Variants in EPHA7 observed in about 807,000 individuals in gnomAD.
EPHA7 encodes ephrin type-A receptor 7.
EPHA7 carries 25 observed loss-of-function variants against 112.6 expected under a neutral mutation model. That is an observed-to-expected ratio of 0.22 (90% CI 0.16 to 0.31). EPHA7 has a LOEUF of 0.31. Ranked by LOEUF, EPHA7 falls within the 10% of genes least tolerant of loss-of-function variation. The probability of loss-of-function intolerance (pLI) is 1.00; values close to 1 mark genes in which losing one functional copy is unlikely to be tolerated. For missense variants in EPHA7, 962 were observed against 1,212.6 expected (o/e 0.79, Z 3.07); for synonymous variants, 437 against 406.5 (o/e 1.07, Z -0.90).
At chr6:93,395,575 TCACACACA>T (rs4053540) in intron 3 of EPHA7, among the ~76,000 whole-genome samples, 66 of 145,438 alleles carry the variant, frequency 4.5e-4, no homozygotes, top group African/African-American at 5.8e-4. Context: ...TTTACTTATT[TCACACACA>T]CACACACACA....
At chr6:93,280,353 A>G (rs577015364) in intron 5 of EPHA7, among the ~76,000 whole-genome samples, 1 of 152,318 alleles carries the variant, frequency 6.6e-6, no homozygotes, top group Admixed American at 6.5e-5. Flanking sequence ...TGCAAGTGAT[A>G]ACTTTATATC....
In EPHA7 at chr6:93,267,192, C is replaced by T. The variant is rs558049714; in HGVS notation, c.1633+2285G>A. On this transcript the variant is annotated intron_variant, in intron 7 of 16. Coordinates refer to ENST00000369303, the MANE Select transcript of EPHA7 (RefSeq NM_004440.4). ...ATAAAACATTTTTTGATATCCCCAA[C>T]ATTTTTTAATAGTAAAAGGGCTCCT... is the stretch of plus-strand genomic sequence containing the variant. Among the ~76,000 whole-genome samples the T allele has an allele frequency of 4.0e-5, 6 of 151,768 alleles. No individual in the cohort carries two copies. The East Asian group carries it at 5.8e-4, about 15-fold the overall frequency.
intron 3 of EPHA7, among the ~76,000 whole-genome samples, chr6:93,381,713 A>AT (rs1003301628): frequency 3.2e-4 from 43 of 135,156 alleles, no homozygotes; most frequent in Non-Finnish European, 5.9e-4. Context: ...TGTGACAAAG[A>AT]TTTTTTTCTT....
intron 5 of EPHA7, among the ~76,000 whole-genome samples, chr6:93,311,108 C>G (rs960694202): frequency 1.0e-5 from 1 of 98,336 alleles, no homozygotes; most frequent in African/African-American, 4.3e-5. Flanking sequence ...TGCATCATGC[C>G]CAGCTATTTT....
intron 14 of EPHA7, among the ~76,000 whole-genome samples, chr6:93,249,110 G>C (rs768393280): frequency 1.9e-4 from 29 of 152,156 alleles, no homozygotes; most frequent in Middle Eastern, 3.4e-3. Flanking sequence ...AAATGCAATG[G>C]AGGTCATATG....
intron 8 of EPHA7, 151 bp from the exon 9 acceptor site, chr6:93,264,066 G>T: frequency 2.1e-6 from 1 of 468,850 alleles, no homozygotes; most frequent in East Asian, 3.4e-5. Flanking sequence ...AGCGATTCAC[G>T]ATTAAAATTG....
chr6:93,265,563 A>G (rs929423190), intron 7 of EPHA7, among the ~76,000 whole-genome samples: 1 of 151,704 alleles, frequency 6.6e-6, no homozygotes, highest in Admixed American at 6.6e-5. Flanking sequence ...TTATATGATG[A>G]TTCACAATTG....
At chr6:93,280,594 A>C (rs1291082061) in intron 5 of EPHA7, among the ~76,000 whole-genome samples, 1 of 152,166 alleles carries the variant, frequency 6.6e-6, no homozygotes, top group East Asian at 1.9e-4. Flanking sequence ...TTAGAGAAGC[A>C]GTAGAGTATA....
At chr6:93,256,572 T>C (rs1770448436) in intron 12 of EPHA7, among the ~76,000 whole-genome samples, 1 of 152,152 alleles carries the variant, frequency 6.6e-6, no homozygotes, top group Admixed American at 6.6e-5. Flanking sequence ...TTGCTACTGA[T>C]AGGAGCATTA....
chr6:93,260,975 T>G (rs1360994973), intron 9 of EPHA7, among the ~76,000 whole-genome samples: 1 of 151,704 alleles, frequency 6.6e-6, no homozygotes, highest in African/African-American at 2.4e-5. Flanking sequence ...TCTTTCATTT[T>G]TTTAAAATTT....
At chr6:93,380,276 G>A (rs1329816016) in intron 3 of EPHA7, among the ~76,000 whole-genome samples, 4 of 151,952 alleles carry the variant, frequency 2.6e-5, no homozygotes, top group East Asian at 1.9e-4. Flanking sequence ...AGGGGGAAAC[G>A]AAAATATAGT....
At chr6:93,312,475 C>T (rs995870791) in intron 5 of EPHA7, among the ~76,000 whole-genome samples, 1 of 152,070 alleles carries the variant, frequency 6.6e-6, no homozygotes, top group Non-Finnish European at 1.5e-5. Flanking sequence ...CCTCATCTCT[C>T]TTAGCCCTCA....
At chr6:93,416,301 C>G (rs1779221994) in intron 1 of EPHA7, among the ~76,000 whole-genome samples, 1 of 152,214 alleles carries the variant, frequency 6.6e-6, no homozygotes, top group Non-Finnish European at 1.5e-5. Flanking sequence ...GTCAGGTACT[C>G]TACTCTTTTT....
At chr6:93,341,869 A>G (rs1775155136) in intron 5 of EPHA7, among the ~76,000 whole-genome samples, 1 of 151,918 alleles carries the variant, frequency 6.6e-6, no homozygotes, top group African/African-American at 2.4e-5. Flanking sequence ...TTATGGAAGT[A>G]TATTTGTGAT....
intron 5 of EPHA7, among the ~76,000 whole-genome samples, chr6:93,321,956 T>C (rs1774093541): frequency 6.6e-6 from 1 of 151,824 alleles, no homozygotes; most frequent in Non-Finnish European, 1.5e-5. Context: ...TTCAAACTCT[T>C]TATACATTAA....
At chr6:93,298,548 G>C (rs1321301753) in intron 5 of EPHA7, among the ~76,000 whole-genome samples, 1 of 152,064 alleles carries the variant, frequency 6.6e-6, no homozygotes, top group African/African-American at 2.4e-5. Flanking sequence ...ATGAATAGTA[G>C]AGCATCCTAA....
chr6:93,405,872 A>T (rs1388354808), intron 3 of EPHA7, among the ~76,000 whole-genome samples: 1 of 143,830 alleles, frequency 7.0e-6, no homozygotes, highest in Non-Finnish European at 1.5e-5. Context: ...AATACTATAT[A>T]AAGACTCATT....
intron 7 of EPHA7, among the ~76,000 whole-genome samples, chr6:93,265,924 C>G (rs1770913724): frequency 6.6e-6 from 1 of 151,516 alleles, no homozygotes. Flanking sequence ...GACAACTTAT[C>G]TCTTAATTTT....
chr6:93,259,552 T>C, intron 9 of EPHA7, 73 bp from the exon 10 acceptor site: 1 of 1,565,140 alleles, frequency 6.4e-7, no homozygotes, highest in Non-Finnish European at 8.8e-7. Flanking sequence ...GGAATTTCAT[T>C]ATGCAGAGTG....
Sources: allele counts gnomAD v4.1 joint callset (sites outside exome capture counted in the v4.1 genomes callset), GRCh38; gene constraint gnomAD v4.1.1; transcripts MANE v1.5; gene names NCBI Gene and HGNC (gene_info 2026-07-23, HGNC 2026-07-21).